The following CALD1 variants were observed in gnomAD, a reference collection of about 807,000 sequenced individuals.
CALD1 encodes the protein caldesmon.
In CALD1, 33 loss-of-function variants were observed where a neutral mutation model predicts 99.9. That is an observed-to-expected ratio of 0.33 (90% CI 0.25 to 0.44). The LOEUF is 0.44. CALD1 is among the 20% of genes least tolerant of loss of function. The probability of loss-of-function intolerance (pLI) is 1.00; values close to 1 mark genes in which losing one functional copy is unlikely to be tolerated. For synonymous variants in CALD1, 310 were observed against 325.0 expected, an observed-to-expected ratio of 0.95 and a Z score of 0.50; for missense variants, 861 against 962.1, an observed-to-expected ratio of 0.89 and a Z score of 1.39.
chr7:134,924,866 C>T (rs1008065272), intron 3 of CALD1, among the ~76,000 whole-genome samples: 9 of 152,076 alleles, frequency 5.9e-5, no homozygotes, highest in Admixed American at 1.3e-4. Flanking sequence ...AGTGAGTTCT[C>T]ACGAGATCTG....
chr7:134,715,341 C>G, the CALD1 span, among the ~76,000 whole-genome samples: 1 of 152,152 alleles, frequency 6.6e-6, no homozygotes, highest in African/African-American at 2.4e-5. Context: ...ACAGTTGTGT[C>G]TTTGAACAGA....
At chr7:134,963,220 C>T (rs181996855) in intron 13 of CALD1, among the ~76,000 whole-genome samples, 2 of 152,286 alleles carry the variant, frequency 1.3e-5, no homozygotes, top group African/African-American at 4.8e-5. Context: ...GTCTTCCAGA[C>T]AGTTTGGCAG....
In CALD1 at chr7:134,958,223, C is replaced by G; in HGVS notation, c.1994C>G (p.Ser665Trp). ...TACTTTTTTAGCAGTGGTGTCAAATCGACCCATCAAGCAGCAATAGTCTCC... is the reference window on the plus strand; with the variant it reads ...TACTTTTTTAGCAGTGGTGTCAAATGGACCCATCAAGCAGCAATAGTCTCC... ...KSVQKSSGVK[S>W]THQAAIVSKI... Residue 665 changes from serine (S) to tryptophan (W), a missense_variant, in exon 11 of 15, where the codon TCG becomes TGG. This residue lies in a region of CALD1 where 190 missense variants were observed against 249.0 expected (regional missense o/e 0.76). Transcript: ENST00000361675. 1 of 1,613,730 alleles carries G rather than the reference C, an allele frequency of 6.2e-7. No homozygotes were observed. Among genetic ancestry groups the G allele is most frequent in the Non-Finnish European group, 8.5e-7 (1 of 1,179,914 alleles).
intron 1 of CALD1, among the ~76,000 whole-genome samples, chr7:134,829,669 G>C: frequency 6.6e-6 from 1 of 152,166 alleles, no homozygotes; most frequent in East Asian, 1.9e-4. Context: ...GGAAGAGTTG[G>C]ATCTGTATTC....
intron 1 of CALD1, among the ~76,000 whole-genome samples, chr7:134,766,876 G>C (rs527675743): frequency 2.0e-5 from 3 of 152,238 alleles, no homozygotes; most frequent in African/African-American, 7.2e-5. Context: ...AATGGCCATG[G>C]ATCAAGAGCT....
At chr7:134,775,065 CTGTT>C (rs1168553220), upstream of CALD1, among the ~76,000 whole-genome samples, 4 of 151,878 alleles carry the variant, frequency 2.6e-5, no homozygotes, top group East Asian at 3.9e-4. Context: ...CTAATCATTT[CTGTT>C]TGTTTTTTAT....
At chr7:134,859,427 A>C (rs938128761) in intron 2 of CALD1, among the ~76,000 whole-genome samples, 1 of 152,154 alleles carries the variant, frequency 6.6e-6, no homozygotes, top group Non-Finnish European at 1.5e-5. Flanking sequence ...GCCTATTCTG[A>C]TTTAGCATTA....
At position 134,773,291 on chromosome 7, in the gene CALD1, T is replaced by C. The variant is rs74912160; in HGVS notation, c.-130+28928T>C. Among the ~76,000 whole-genome samples, 5 of 139,956 alleles carry C rather than the reference T, an allele frequency of 3.6e-5. No individual in the cohort carries two copies. The South Asian group carries it at 1.2e-3, about 33-fold the overall frequency. 91.8% of individuals were successfully genotyped at this position (139,956 alleles called of 152,430 possible). A position where few individuals can be genotyped will look rare whatever the true frequency, so the allele number is the denominator to read the frequency against. ...TTTTTCTGAACTTTTTTTTTTTTTT[T>C]CAGGACAAGATCTACCTCTGTTTCC... On this transcript the variant is annotated intron_variant, in intron 1 of 13. Transcript: ENST00000417172.
At chr7:134,724,681 T>G in the CALD1 span, among the ~76,000 whole-genome samples, 2 of 152,230 alleles carry the variant, frequency 1.3e-5, no homozygotes, top group Non-Finnish European at 2.9e-5. Flanking sequence ...TATACCACAC[T>G]GTCTCCCAAA....
At chr7:134,904,257 C>A (rs1229377523) in intron 3 of CALD1, among the ~76,000 whole-genome samples, 3 of 151,472 alleles carry the variant, frequency 2.0e-5, no homozygotes, top group Non-Finnish European at 2.9e-5. Context: ...TAAATAAAAG[C>A]AATAAGTGGG....
chr7:134,856,177 T>C (rs1800292774), intron 2 of CALD1, among the ~76,000 whole-genome samples: 1 of 152,190 alleles, frequency 6.6e-6, no homozygotes, highest in Non-Finnish European at 1.5e-5. Context: ...GCCTTCCACG[T>C]ATAGTACAGA....
chr7:134,791,347 C>A (rs975776933), intron 1 of CALD1, among the ~76,000 whole-genome samples: 1 of 152,194 alleles, frequency 6.6e-6, no homozygotes, highest in Non-Finnish European at 1.5e-5. Context: ...TAGGCACACG[C>A]CACCATGCCC....
the CALD1 span, among the ~76,000 whole-genome samples, chr7:134,724,299 C>A: frequency 6.6e-6 from 1 of 152,180 alleles, no homozygotes; most frequent in Non-Finnish European, 1.5e-5. Context: ...CTTCTTGTTT[C>A]TTGGATATGA....
chr7:134,892,665 C>G (rs765726030), intron 3 of CALD1, among the ~76,000 whole-genome samples: 2 of 152,186 alleles, frequency 1.3e-5, no homozygotes, highest in Non-Finnish European at 2.9e-5. Context: ...TGGTTATTCA[C>G]GTGGGAGAGC....
rs1002449419 is a variant in CALD1, at chr7:134,858,299, C to T, written c.-41-9394C>T. Among the ~76,000 whole-genome samples the T allele has an allele frequency of 3.9e-5, 6 of 152,008 alleles. 1 individual carries two copies. The highest frequency in any genetic ancestry group is 1.5e-4 in the African/African-American group (6 of 41,320). ...CTCAGCTTCTTTTGTATTTGCCAAG[C>T]ATTTCACTTTCTCAGTTGCAAGTGC... On this transcript the variant is annotated intron_variant, in intron 2 of 14. Transcript: ENST00000361675.
chr7:134,873,889 T>C (rs1801221921), intron 3 of CALD1, among the ~76,000 whole-genome samples: 1 of 152,178 alleles, frequency 6.6e-6, no homozygotes, highest in Admixed American at 6.5e-5. Context: ...AATAAACTCA[T>C]TATTAATTAT....
In CALD1 at chr7:134,877,380, T is replaced by G. The variant is rs1188188130; in HGVS notation, c.71+9576T>G. On this transcript the variant is annotated intron_variant, in intron 3 of 14. Coordinates refer to ENST00000361675, the MANE Select transcript of CALD1 (RefSeq NM_033138.4). Reference sequence around the variant, plus strand: ...GTCTCCCTGTAAAAAGAAAATTACCTTTTTATTATTAAGAGTTCTTTTCCA... The same window carrying G: ...GTCTCCCTGTAAAAAGAAAATTACCGTTTTATTATTAAGAGTTCTTTTCCA... Among the ~76,000 whole-genome samples the G allele has an allele frequency of 3.9e-5, 6 of 152,202 alleles. No homozygotes were observed. The East Asian group carries it at 9.6e-4, about 24-fold the overall frequency.
chr7:134,820,181 C>A (rs1798718708), intron 1 of CALD1, among the ~76,000 whole-genome samples: 1 of 152,106 alleles, frequency 6.6e-6, no homozygotes. Flanking sequence ...TAATTTTCAG[C>A]CCATAATGAT....
chr7:134,846,888 G>A (rs982488349), intron 2 of CALD1, among the ~76,000 whole-genome samples: 1 of 152,176 alleles, frequency 6.6e-6, no homozygotes, highest in Non-Finnish European at 1.5e-5. Flanking sequence ...AGTGACACTT[G>A]GGTCAGTGAT....
Sources: allele counts gnomAD v4.1 joint callset (sites outside exome capture counted in the v4.1 genomes callset), GRCh38; gene constraint gnomAD v4.1.1; regional missense constraint gnomAD v4.1.1; transcripts MANE v1.5; gene names NCBI Gene and HGNC (gene_info 2026-07-23, HGNC 2026-07-21).